Variants in GPHN observed in about 807,000 individuals in gnomAD.
The protein encoded by GPHN is gephyrin.
Under a neutral mutation model 95.5 loss-of-function variants are expected in GPHN, and 17 were observed. The ratio of observed to expected loss-of-function variants is 0.18; its 90% CI spans 0.12 to 0.27. The LOEUF is 0.27. GPHN is among the 10% of genes least tolerant of loss of function. GPHN has a pLI of 1.00. For missense variants in GPHN, 660 were observed against 978.1 expected, an observed-to-expected ratio of 0.67 and a Z score of 4.34; for synonymous variants, 320 against 322.5, an observed-to-expected ratio of 0.99 and a Z score of 0.08.
the GPHN span, chr14:67,321,313 GTAATC>G: frequency 1.3e-6 from 2 of 1,545,608 alleles, no homozygotes; most frequent in South Asian, 2.2e-5. Context: ...GTCATATAGA[GTAATC>G]TAGTGGAAGC....
chr14:67,149,885 A>G (rs1360041322), intron 18 of GPHN, among the ~76,000 whole-genome samples: 1 of 152,206 alleles, frequency 6.6e-6, no homozygotes, highest in East Asian at 1.9e-4. Flanking sequence ...CAGCCTTTCC[A>G]GCAAAATATA....
At chr14:66,928,015 T>C (rs1187444147) in intron 8 of GPHN, among the ~76,000 whole-genome samples, 1 of 152,222 alleles carries the variant, frequency 6.6e-6, no homozygotes, top group Non-Finnish European at 1.5e-5. Flanking sequence ...GATGTGTCTT[T>C]GTCTGGTTTT....
intron 2 of GPHN, among the ~76,000 whole-genome samples, chr14:66,763,611 G>C (rs560983180): frequency 6.6e-6 from 1 of 151,650 alleles, no homozygotes; most frequent in East Asian, 1.9e-4. Context: ...TGGTGTATAT[G>C]TGCCACATTT....
the GPHN span, among the ~76,000 whole-genome samples, chr14:67,424,268 T>A: frequency 1.3e-5 from 2 of 150,850 alleles, no homozygotes; most frequent in African/African-American, 4.9e-5. Flanking sequence ...AATAAATAAA[T>A]AAAATTAAAA....
chr14:66,707,669 G>A (rs1399126491), intron 2 of GPHN, among the ~76,000 whole-genome samples: 2 of 152,064 alleles, frequency 1.3e-5, no homozygotes, highest in African/African-American at 4.8e-5. Context: ...CTGTTGGGCG[G>A]CGGCAGCGAG....
the GPHN span, chr14:67,198,954 A>C: frequency 9.1e-5 from 64 of 702,320 alleles, no homozygotes; most frequent in East Asian, 9.4e-4. Context: ...ATTACCTCTA[A>C]CTCTTAATAC....
chr14:66,710,890 A>G (rs1595646285), intron 2 of GPHN, among the ~76,000 whole-genome samples: 1 of 152,214 alleles, frequency 6.6e-6, no homozygotes, highest in Admixed American at 6.5e-5. Context: ...ACATAGTCTG[A>G]TAAGTGGAAA....
At chr14:66,949,479 C>G (rs893780114) in intron 8 of GPHN, among the ~76,000 whole-genome samples, 1 of 152,122 alleles carries the variant, frequency 6.6e-6, no homozygotes, top group Non-Finnish European at 1.5e-5. Context: ...TGCAGCCTAC[C>G]TTAATGATCT....
chr14:66,587,590 T>A (rs1292661887), intron 1 of GPHN, among the ~76,000 whole-genome samples: 4 of 152,116 alleles, frequency 2.6e-5, no homozygotes, highest in African/African-American at 9.7e-5. Context: ...TCAGTGGAGG[T>A]CATACACTAC....
intron 1 of GPHN, among the ~76,000 whole-genome samples, chr14:66,638,774 G>A (rs912516589): frequency 2.6e-5 from 4 of 151,534 alleles, no homozygotes; most frequent in Non-Finnish European, 5.9e-5. Context: ...ATTGAGAAGA[G>A]ACTTTAATAT....
At chr14:67,420,935 T>A in the GPHN span, among the ~76,000 whole-genome samples, 1 of 152,242 alleles carries the variant, frequency 6.6e-6, no homozygotes, top group Non-Finnish European at 1.5e-5. Context: ...AAAGTACAGA[T>A]CTGATTCTGT....
chr14:66,870,482 C>T (rs1400165465), intron 4 of GPHN, among the ~76,000 whole-genome samples: 2 of 152,144 alleles, frequency 1.3e-5, no homozygotes, highest in African/African-American at 4.8e-5. Flanking sequence ...ACTGTATTTT[C>T]GATCCTCAGT....
chr14:66,706,828 T>G (rs541507669), intron 2 of GPHN, among the ~76,000 whole-genome samples: 341 of 152,090 alleles, frequency 2.2e-3, no homozygotes, highest in African/African-American at 7.7e-3. Context: ...CTAATTAAAC[T>G]AAAGAGCTTC....
intron 2 of GPHN, among the ~76,000 whole-genome samples, chr14:66,773,802 C>G (rs1443896391): frequency 6.6e-6 from 1 of 152,080 alleles, no homozygotes; most frequent in Non-Finnish European, 1.5e-5. Context: ...AAACTCCTGG[C>G]CTCAAGAAAT....
chr14:67,221,572 G>C, the GPHN span, among the ~76,000 whole-genome samples: 8 of 152,126 alleles, frequency 5.3e-5, no homozygotes, highest in Admixed American at 2.6e-4. Flanking sequence ...GGCTTTTACA[G>C]ATTGAATAGT....
chr14:67,385,408 C>A, the GPHN span: 7 of 147,792 alleles, frequency 4.7e-5, no homozygotes, highest in East Asian at 1.4e-3. Context: ...CCAGTGCACT[C>A]GAGCCTGGGT....
At chr14:67,117,008 G>A (rs2078734558) in intron 16 of GPHN, among the ~76,000 whole-genome samples, 2 of 151,978 alleles carry the variant, frequency 1.3e-5, no homozygotes, top group Non-Finnish European at 2.9e-5. Context: ...GAACTATCTG[G>A]GTGTATCCAT....
the GPHN span, among the ~76,000 whole-genome samples, chr14:67,606,784 C>T: frequency 6.6e-6 from 1 of 152,088 alleles, no homozygotes; most frequent in African/African-American, 2.4e-5. Context: ...GTAGCTGGGA[C>T]TACAGGCACG....
chr14:67,395,320 GC>G, the GPHN span: 7 of 1,230,526 alleles, frequency 5.7e-6, no homozygotes, highest in Middle Eastern at 2.7e-4. Flanking sequence ...CAAGCACAGA[GC>G]CCCCCCAAGG....
Sources: allele counts gnomAD v4.1 joint callset (sites outside exome capture counted in the v4.1 genomes callset), GRCh38; gene constraint gnomAD v4.1.1; transcripts MANE v1.5; gene names NCBI Gene and HGNC (gene_info 2026-07-23, HGNC 2026-07-21).